ASTN2: variants seen among roughly 807,000 people sequenced by gnomAD.
ASTN2 encodes the protein astrotactin-2.
ASTN2 carries 54 observed loss-of-function variants against 139.8 expected under a neutral mutation model. The ratio of observed to expected loss-of-function variants is 0.39; its 90% CI spans 0.31 to 0.48. ASTN2 has a LOEUF of 0.48. Among genes scored for constraint, ASTN2 ranks in the 20% least tolerant of loss-of-function variants. The probability of loss-of-function intolerance (pLI) is 0.95; values close to 1 mark genes in which losing one functional copy is unlikely to be tolerated. For missense variants in ASTN2, 1,565 were observed against 1,725.1 expected (o/e 0.91, Z 1.64); for synonymous variants, 756 against 719.5 (o/e 1.05, Z -0.81).
chr9:116,800,867 A>T (rs1404311186), intron 13 of ASTN2, among the ~76,000 whole-genome samples: 2 of 152,158 alleles, frequency 1.3e-5, no homozygotes, highest in East Asian at 3.9e-4. Flanking sequence ...TTACATTTTT[A>T]AGCGCTTTGT....
chr9:116,539,832 C>T (rs1361173411), intron 19 of ASTN2, among the ~76,000 whole-genome samples: 2 of 152,134 alleles, frequency 1.3e-5, no homozygotes, highest in Non-Finnish European at 2.9e-5. Flanking sequence ...TGGACTTTAG[C>T]TGATTACAGG....
chr9:116,998,480 G>T (rs1837084346), intron 7 of ASTN2, among the ~76,000 whole-genome samples: 1 of 152,032 alleles, frequency 6.6e-6, no homozygotes, highest in African/African-American at 2.4e-5. Context: ...TCTCCATGGT[G>T]CTGACACAAG....
chr9:117,048,741 G>T (rs1248069787), intron 5 of ASTN2, among the ~76,000 whole-genome samples: 2 of 152,136 alleles, frequency 1.3e-5, no homozygotes, highest in Non-Finnish European at 2.9e-5. Context: ...ATCCTATGTA[G>T]TTGGCATTGC....
chr9:117,272,701 C>A (rs968957768), intron 2 of ASTN2, among the ~76,000 whole-genome samples: 3 of 152,156 alleles, frequency 2.0e-5, no homozygotes, highest in African/African-American at 7.2e-5. Context: ...ATCTCTAGGG[C>A]AAGGGCAAAA....
intron 10 of ASTN2, among the ~76,000 whole-genome samples, chr9:116,957,490 G>A (rs1395909659): frequency 1.3e-5 from 2 of 152,190 alleles, no homozygotes; most frequent in Non-Finnish European, 2.9e-5. Flanking sequence ...TACAGCAAGA[G>A]AAAGTCCCAG....
rs1374129944 is a variant in ASTN2 at position 117,385,826 on chromosome 9, G to C, written c.442+28671C>G. ...AGAGCTAAACTGAGACAAAAGAAGAGAGAGAAAGGAGTAAAAAATTCTCTG... is the reference window on the plus strand; with the variant it reads ...AGAGCTAAACTGAGACAAAAGAAGACAGAGAAAGGAGTAAAAAATTCTCTG... On this transcript the variant is annotated intron_variant, in intron 1 of 22. Transcript: ENST00000313400. 5.3e-5 allele frequency among the ~76,000 whole-genome samples: 8 copies of C among 152,260 alleles called. No homozygotes were observed. The East Asian group carries it at 1.6e-3, about 30-fold the overall frequency.
rs189542189 is a variant in ASTN2 at position 116,442,623 on chromosome 9, A to G, written c.3498-70T>C. The G allele has an allele frequency of 1.3e-3, 1,643 of 1,223,716 alleles. 17 individuals are homozygous for G. Among genetic ancestry groups the G allele is most frequent in the South Asian group, 7.8e-3 (653 of 83,364 alleles). 75.8% of individuals were successfully genotyped at this position (1,223,716 alleles called of 1,614,324 possible). ...GAAGGCCCTGGGAGTTGCAGGGAAG[A>G]ACAGAGAGTCATGGCACATGAGGCT... is the stretch of plus-strand genomic sequence containing the variant. On this transcript the variant is annotated intron_variant, in intron 20 of 22. Coordinates refer to ENST00000313400, the MANE Select transcript of ASTN2 (RefSeq NM_001365068.1).
At chr9:117,193,054 G>C (rs1831389548) in intron 3 of ASTN2, among the ~76,000 whole-genome samples, 2 of 152,172 alleles carry the variant, frequency 1.3e-5, no homozygotes, top group Non-Finnish European at 2.9e-5. Flanking sequence ...TCAGCACACA[G>C]TGGGTGATGG....
chr9:117,038,985 C>T (rs1314435193), intron 6 of ASTN2, among the ~76,000 whole-genome samples: 2 of 152,142 alleles, frequency 1.3e-5, no homozygotes, highest in Admixed American at 6.5e-5. Flanking sequence ...TTATCCAAGA[C>T]ATTCAGGAAA....
intron 10 of ASTN2, among the ~76,000 whole-genome samples, chr9:116,920,262 G>T (rs916942054): frequency 1.1e-4 from 17 of 152,180 alleles, no homozygotes; most frequent in Admixed American, 3.9e-4. Flanking sequence ...GAGCTTCCAG[G>T]CTCAGATGAG....
chr9:116,889,561 G>T (rs1351651209), intron 10 of ASTN2, among the ~76,000 whole-genome samples: 2 of 151,994 alleles, frequency 1.3e-5, no homozygotes, highest in East Asian at 3.9e-4. Context: ...TCAGGAATTA[G>T]AACTGGTTTT....
chr9:116,959,504 A>T (rs1237450232), intron 10 of ASTN2, among the ~76,000 whole-genome samples: 3 of 152,120 alleles, frequency 2.0e-5, no homozygotes, highest in Non-Finnish European at 2.9e-5. Flanking sequence ...AATCCACTCC[A>T]GTGGCTCGTG....
chr9:117,036,623 C>T (rs557678835), intron 6 of ASTN2, among the ~76,000 whole-genome samples: 8 of 152,280 alleles, frequency 5.3e-5, no homozygotes, highest in Non-Finnish European at 1.0e-4. Flanking sequence ...AGATACCAGG[C>T]AATCAGGAGC....
At chr9:116,809,500 T>A (rs1029889637) in intron 12 of ASTN2, among the ~76,000 whole-genome samples, 4 of 152,160 alleles carry the variant, frequency 2.6e-5, no homozygotes, top group Admixed American at 2.0e-4. Flanking sequence ...TTGGATATAG[T>A]AATAAAGTAA....
At chr9:116,797,747 T>G (rs1301477826) in intron 13 of ASTN2, among the ~76,000 whole-genome samples, 1 of 152,054 alleles carries the variant, frequency 6.6e-6, no homozygotes. Flanking sequence ...GACCTGAGAG[T>G]GCACAAACAC....
At chr9:117,356,989 G>A (rs543587902) in intron 1 of ASTN2, among the ~76,000 whole-genome samples, 3 of 152,158 alleles carry the variant, frequency 2.0e-5, no homozygotes, top group Non-Finnish European at 2.9e-5. Flanking sequence ...ACTTGAACCC[G>A]GGAAGCGGAG....
At chr9:117,316,545 A>G (rs1787460634) in intron 1 of ASTN2, among the ~76,000 whole-genome samples, 1 of 152,122 alleles carries the variant, frequency 6.6e-6, no homozygotes, top group South Asian at 2.1e-4. Flanking sequence ...ATGGTACTAT[A>G]TATAAGTGAC....
At chr9:116,432,522 T>C (rs1847529157) in intron 22 of ASTN2, among the ~76,000 whole-genome samples, 1 of 152,206 alleles carries the variant, frequency 6.6e-6, no homozygotes, top group African/African-American at 2.4e-5. Context: ...TTCAGGATAT[T>C]AAATGAAATA....
At chr9:116,923,654 G>A (rs1834675027) in intron 10 of ASTN2, among the ~76,000 whole-genome samples, 1 of 152,216 alleles carries the variant, frequency 6.6e-6, no homozygotes, top group South Asian at 2.1e-4. Flanking sequence ...GGACTCAGAT[G>A]AGTGGTTGTT....
Sources: allele counts gnomAD v4.1 joint callset (sites outside exome capture counted in the v4.1 genomes callset), GRCh38; gene constraint gnomAD v4.1.1; transcripts MANE v1.5; gene names NCBI Gene and HGNC (gene_info 2026-07-23, HGNC 2026-07-21).